Variants in C13orf46 observed in about 807,000 individuals in gnomAD.
C13orf46 encodes chromosome 13 open reading frame 46.
chr13:113,950,577 C>G (rs975872277), downstream of C13orf46, among the ~76,000 whole-genome samples: 1 of 152,226 alleles, frequency 6.6e-6, no homozygotes, highest in Non-Finnish European at 1.5e-5. Context: ...TGGCTTCTGT[C>G]CCTGAGGAGT....
At chr13:113,930,424 G>A in the C13orf46 span, among the ~76,000 whole-genome samples, 7 of 132,756 alleles carry the variant, frequency 5.3e-5, no homozygotes, top group East Asian at 2.0e-4. Flanking sequence ...GCACCGAGGC[G>A]GGGGCGCGGG....
chr13:113,934,658 A>T, the C13orf46 span, among the ~76,000 whole-genome samples: 17 of 152,376 alleles, frequency 1.1e-4, no homozygotes, highest in Middle Eastern at 3.4e-3. Flanking sequence ...CAAGTGCTCG[A>T]GGCCTGCCTT....
In C13orf46 at chr13:113,966,145, C is replaced by A. The variant is rs974475856; in HGVS notation, c.505-1151G>T. ...ATGGTGATTATAATGGTGATGATGA[C>A]AATGGTGACGGTGATAGTGGTGATG... On this transcript the variant is annotated intron_variant, in intron 5 of 6. Transcript: ENST00000636427. Among the ~76,000 whole-genome samples the A allele has an allele frequency of 3.3e-5, 4 of 120,726 alleles. No individual in the cohort carries two copies. The East Asian group carries it at 1.1e-3, about 33-fold the overall frequency. 79.2% of individuals were successfully genotyped at this position (120,726 alleles called of 152,430 possible).
chr13:113,972,016 C>G (rs548114637), intron 1 of C13orf46, among the ~76,000 whole-genome samples: 1 of 152,262 alleles, frequency 6.6e-6, no homozygotes, highest in South Asian at 2.1e-4. Context: ...ACAGGACAAG[C>G]GGCCACACAG....
At chr13:113,946,564 T>C in the C13orf46 span, among the ~76,000 whole-genome samples, 1 of 152,154 alleles carries the variant, frequency 6.6e-6, no homozygotes, top group Admixed American at 6.5e-5. Flanking sequence ...AGCACAAATA[T>C]CCCAGTGTGC....
chr13:113,940,351 G>A, the C13orf46 span, among the ~76,000 whole-genome samples: 11 of 152,248 alleles, frequency 7.2e-5, no homozygotes, highest in Non-Finnish European at 1.5e-4. Context: ...GATGCCAGCC[G>A]AGTATTCCCA....
the C13orf46 span, among the ~76,000 whole-genome samples, chr13:113,947,533 C>T: frequency 1.3e-5 from 2 of 152,104 alleles, no homozygotes; most frequent in Non-Finnish European, 2.9e-5. Context: ...TTTTTATTTA[C>T]CTGAAATGAT....
chr13:113,942,202 G>A, the C13orf46 span, among the ~76,000 whole-genome samples: 22 of 152,182 alleles, frequency 1.4e-4, no homozygotes, highest in African/African-American at 2.2e-4. Flanking sequence ...TACAATAGAC[G>A]CATATGAGTT....
chr13:113,963,466 CT>C (rs1358366875), intron 6 of C13orf46, among the ~76,000 whole-genome samples: 2 of 113,074 alleles, frequency 1.8e-5, no homozygotes, highest in East Asian at 2.0e-4. Context: ...AGCTTCACCC[CT>C]GTCCTCAGCC....
chr13:113,944,502 G>A, the C13orf46 span, among the ~76,000 whole-genome samples: 1 of 152,168 alleles, frequency 6.6e-6, no homozygotes, highest in Admixed American at 6.5e-5. Context: ...CTGTAGGTGT[G>A]TGATGGGCCC....
At chr13:113,935,910 A>G in the C13orf46 span, among the ~76,000 whole-genome samples, 2 of 152,228 alleles carry the variant, frequency 1.3e-5, no homozygotes, top group African/African-American at 4.8e-5. Context: ...ATCACAGACA[A>G]TCCTTGTGCC....
At chr13:113,960,983 A>C (rs1004848778) in intron 6 of C13orf46, among the ~76,000 whole-genome samples, 3,349 of 152,358 alleles carry the variant, frequency 0.022, 89 homozygotes, top group South Asian at 0.062. Flanking sequence ...GAGCTTTAAA[A>C]GGGTTATGGT....
At chr13:113,929,112 G>A in the C13orf46 span, among the ~76,000 whole-genome samples, 3 of 152,218 alleles carry the variant, frequency 2.0e-5, no homozygotes, top group Non-Finnish European at 4.4e-5. Flanking sequence ...GTCTGGCCTC[G>A]CAGGTCCCCA....
At chr13:113,933,069 T>C in the C13orf46 span, among the ~76,000 whole-genome samples, 1 of 152,200 alleles carries the variant, frequency 6.6e-6, no homozygotes, top group Non-Finnish European at 1.5e-5. Context: ...TTCACCATGT[T>C]GCCCAGGCTG....
At chr13:113,973,059 G>A (rs534513976) in intron 1 of C13orf46, among the ~76,000 whole-genome samples, 4 of 152,322 alleles carry the variant, frequency 2.6e-5, no homozygotes, top group East Asian at 3.9e-4. Context: ...CCCTGCTGCC[G>A]GTGGAAGGAA....
At chr13:113,938,719 C>T in the C13orf46 span, among the ~76,000 whole-genome samples, 1 of 152,196 alleles carries the variant, frequency 6.6e-6, no homozygotes, top group East Asian at 1.9e-4. Context: ...CTCCCTTCCA[C>T]ACGTCCGCCG....
chr13:113,965,743 A>G (rs1376857821), intron 5 of C13orf46, among the ~76,000 whole-genome samples: 3 of 69,906 alleles, frequency 4.3e-5, no homozygotes, highest in South Asian at 4.8e-4. Context: ...GAAGGTGATG[A>G]TGGTGATGAT....
At chr13:113,933,912 C>T in the C13orf46 span, among the ~76,000 whole-genome samples, 11 of 152,136 alleles carry the variant, frequency 7.2e-5, no homozygotes, top group African/African-American at 2.7e-4. Context: ...CTCATTTGGA[C>T]ATCCTAGGTT....
the C13orf46 span, chr13:113,927,427 C>T: frequency 2.5e-6 from 1 of 397,284 alleles, no homozygotes; most frequent in South Asian, 1.4e-4. Context: ...TTTCCATCCT[C>T]AGGTTTGCAT....
Sources: gnomAD v4.1 joint callset for allele counts (sites outside exome capture counted in the v4.1 genomes callset) on GRCh38, gnomAD v4.1.1 for gene constraint, MANE v1.5 for transcripts, NCBI Gene and HGNC (gene_info 2026-07-23, HGNC 2026-07-21) for gene names.